CPSF2: variants seen among roughly 807,000 people sequenced by gnomAD.
CPSF2 encodes cleavage and polyadenylation specificity factor subunit 2.
Under a neutral mutation model 84.2 loss-of-function variants are expected in CPSF2, and 51 were observed. The ratio of observed to expected loss-of-function variants is 0.61; its 90% CI spans 0.48 to 0.77. CPSF2 has a LOEUF of 0.77. CPSF2 is among the 30% of genes least tolerant of loss of function. The pLI is 0.00. For synonymous variants in CPSF2, 286 were observed against 311.9 expected (o/e 0.92, Z 0.87); for missense variants, 641 against 929.4 (o/e 0.69, Z 4.03).
chr14:92,129,813 T>C (rs74872613), intron 2 of CPSF2, among the ~76,000 whole-genome samples: 15,009 of 152,178 alleles, frequency 0.099, 818 homozygotes, highest in East Asian at 0.15. Context: ...AGTGGCGCAC[T>C]CATAGCTCAC....
rs769414774 is a variant in CPSF2, at chr14:92,131,055, A to C, written c.71A>C (p.Gln24Pro). ...QEESALCYLL[Q>P]VDEFRFLLDC... is the part of the protein sequence containing the mutation. ...GAATCTGCCCTTTGCTATCTTCTCCAAGTTGATGAGTTTAGATTTTTATTG... is the reference window on the plus strand; with the variant it reads ...GAATCTGCCCTTTGCTATCTTCTCCCAGTTGATGAGTTTAGATTTTTATTG... Residue 24 changes from glutamine to proline, a missense_variant, in exon 3 of 16, where the codon CAA (glutamine) becomes CCA (proline). This residue lies in a region of CPSF2 where 211 missense variants were observed against 375.7 expected (regional missense o/e 0.56). Transcript: ENST00000298875. 1.2e-6 allele frequency: 2 copies of C among 1,612,834 alleles called. No individual in the cohort carries two copies. Among genetic ancestry groups the C allele is most frequent in the African/African-American group, 2.7e-5 (2 of 74,876 alleles).
At chr14:92,130,326 G>A (rs1463841944) in intron 2 of CPSF2, among the ~76,000 whole-genome samples, 1 of 152,128 alleles carries the variant, frequency 6.6e-6, no homozygotes. Context: ...GTTTTTATCA[G>A]ATTCTCAAGG....
rs773994762 is a variant in CPSF2 at position 92,157,637 on chromosome 14, G to C, written c.1596-22G>C. On this transcript the variant is annotated intron_variant, in intron 12 of 15. Coordinates refer to ENST00000298875, the MANE Select transcript of CPSF2 (RefSeq NM_017437.3). This position sits in a 1 kb window ranked among gnomAD's most constrained non-coding sequence, Gnocchi z 4.0. ...TTAGAATTATGAGAAAAGTAATCTT[G>C]AATAATCATATCTAATTACAGAGCC... The C allele has an allele frequency of 1.3e-6, 2 of 1,558,384 alleles. No individual in the cohort carries two copies. The highest frequency in any genetic ancestry group is 3.5e-5 in the Admixed American group (2 of 57,590).
intron 5 of CPSF2, 64 bp downstream of exon 5, chr14:92,134,419 A>G: frequency 1.8e-6 from 2 of 1,111,902 alleles, no homozygotes; most frequent in Non-Finnish European, 2.7e-6. Flanking sequence ...GAAAATACCG[A>G]GGAGAATTCA....
intron 1 of CPSF2, among the ~76,000 whole-genome samples, chr14:92,122,553 C>T (rs2068786130): frequency 6.6e-6 from 1 of 152,256 alleles, no homozygotes. Flanking sequence ...CTGGACACCG[C>T]TTAGGCGTCC....
chr14:92,156,004 T>TA (rs1289022807), intron 11 of CPSF2, among the ~76,000 whole-genome samples: 1 of 152,002 alleles, frequency 6.6e-6, no homozygotes, highest in Non-Finnish European at 1.5e-5. Context: ...AAAAACATGA[T>TA]ACAGGCCAGG....
chr14:92,144,700 T>C (rs1401784336), intron 9 of CPSF2, among the ~76,000 whole-genome samples: 1 of 152,216 alleles, frequency 6.6e-6, no homozygotes, highest in Non-Finnish European at 1.5e-5. Flanking sequence ...CATTATGGTG[T>C]AGACAGATTT....
chr14:92,128,937 A>G (rs1431330731), intron 2 of CPSF2, among the ~76,000 whole-genome samples: 1 of 152,160 alleles, frequency 6.6e-6, no homozygotes, highest in Non-Finnish European at 1.5e-5. Context: ...ACTGAGAGGA[A>G]CAACGGGTCA....
chr14:92,125,191 C>T (rs777656009), intron 1 of CPSF2, among the ~76,000 whole-genome samples: 1 of 152,068 alleles, frequency 6.6e-6, no homozygotes, highest in African/African-American at 2.4e-5. Flanking sequence ...AACTGAGAAA[C>T]CCAAACATAA....
intron 1 of CPSF2, among the ~76,000 whole-genome samples, chr14:92,124,385 C>T (rs1251671535): frequency 6.6e-6 from 1 of 152,038 alleles, no homozygotes; most frequent in African/African-American, 2.4e-5. Flanking sequence ...ATGAGGGCCT[C>T]CATGGAGGCA....
chr14:92,142,450 A>G, intron 8 of CPSF2, 99 bp downstream of exon 8: 1 of 888,068 alleles, frequency 1.1e-6, no homozygotes, highest in Non-Finnish European at 1.7e-6. Context: ...TTTTCTCTTG[A>G]AGAGATTGTT....
At position 92,154,346 on chromosome 14, in the gene CPSF2, ATTT is replaced by A; in HGVS notation, c.1141-5_1141-3del. The A allele has an allele frequency of 6.5e-7, 1 of 1,543,352 alleles. No homozygotes were observed. On this transcript the variant is annotated splice_polypyrimidine_tract_variant and intron_variant, in intron 9 of 15. Transcript: ENST00000298875. ...ATATTAACATTTCCTTTTGTCTTTTATTTTTTTTTAGTTGAGGAAACGTGTGAA... is the reference window on the plus strand; with the variant it reads ...ATATTAACATTTCCTTTTGTCTTTTATTTTTTAGTTGAGGAAACGTGTGAA...
chr14:92,122,230 A>G (rs1268327960), intron 1 of CPSF2, 102 bp downstream of exon 1: 2 of 298,338 alleles, frequency 6.7e-6, no homozygotes, highest in Non-Finnish European at 1.3e-5. Context: ...GTCTCCCCCG[A>G]GGACTCGCCC....
chr14:92,137,973 A>G (rs1038725909), intron 6 of CPSF2, among the ~76,000 whole-genome samples: 3 of 152,220 alleles, frequency 2.0e-5, no homozygotes, highest in Admixed American at 6.5e-5. Flanking sequence ...ATATGTGCAT[A>G]GAAAAACTTA....
chr14:92,156,683 C>T, intron 12 of CPSF2, 52 bp downstream of exon 12: 1 of 1,318,498 alleles, frequency 7.6e-7, no homozygotes, highest in Non-Finnish European at 1.0e-6. Flanking sequence ...AAATTTCAAG[C>T]ATTTGAATTA....
chr14:92,157,907 T>G lies in CPSF2; in HGVS notation c.1821+23T>G. ...CAGGTAAACATGCCAGGAGTTGCCA[T>G]TGAGTAGAAATAAGTACTTTTTGTT... On this transcript the variant is annotated intron_variant, in intron 13 of 15. Coordinates refer to ENST00000298875, the MANE Select transcript of CPSF2 (RefSeq NM_017437.3). This position sits in a 1 kb window ranked among gnomAD's most constrained non-coding sequence, Gnocchi z 4.0. The G allele has an allele frequency of 1.3e-6, 2 of 1,531,462 alleles. No homozygotes were observed. Among genetic ancestry groups the G allele is most frequent in the Non-Finnish European group, 1.8e-6 (2 of 1,105,068 alleles). 94.9% of individuals were successfully genotyped at this position (1,531,462 alleles called of 1,614,324 possible).
intron 7 of CPSF2, among the ~76,000 whole-genome samples, chr14:92,141,777 G>A (rs1372600992): frequency 1.3e-5 from 2 of 152,108 alleles, no homozygotes; most frequent in Non-Finnish European, 2.9e-5. Context: ...TCATCATAAC[G>A]GAGTTCACTG....
chr14:92,132,145 T>A (rs1042665552), intron 3 of CPSF2, among the ~76,000 whole-genome samples: 105 of 152,206 alleles, frequency 6.9e-4, no homozygotes, highest in Middle Eastern at 6.8e-3. Flanking sequence ...TATTATTATT[T>A]TTTTTTGAGA....
intron 5 of CPSF2, 123 bp downstream of exon 5, chr14:92,134,478 A>G: frequency 4.6e-6 from 3 of 653,042 alleles, no homozygotes; most frequent in Non-Finnish European, 7.9e-6. Flanking sequence ...AAGTTAGCAC[A>G]TTCTGCCTTG....
Sources: allele counts gnomAD v4.1 joint callset (sites outside exome capture counted in the v4.1 genomes callset), GRCh38; gene constraint gnomAD v4.1.1; regional missense constraint gnomAD v4.1.1; non-coding constraint Gnocchi (gnomAD v3.1); transcripts MANE v1.5; gene names NCBI Gene and HGNC (gene_info 2026-07-23, HGNC 2026-07-21).